The following ARHGAP8 variants were observed in gnomAD, a reference collection of about 807,000 sequenced individuals.
The protein encoded by ARHGAP8 is Rho GTPase activating protein 8, also known as rho GTPase-activating protein 8.
ARHGAP8 carries 62 observed loss-of-function variants against 46.1 expected under a neutral mutation model. The ratio of observed to expected loss-of-function variants is 1.34; its 90% CI spans 1.10 to 1.66. The LOEUF (loss-of-function observed/expected upper bound fraction) is 1.66, where lower values mean the gene tolerates loss of function less well. Among genes scored for constraint, ARHGAP8 ranks in the 40% most tolerant of loss-of-function variants. The pLI, the probability that ARHGAP8 is intolerant of heterozygous loss-of-function variation, is 0.00. For synonymous variants in ARHGAP8, 375 were observed against 243.1 expected (o/e 1.54, Z -5.05); for missense variants, 923 against 568.4 (o/e 1.62, Z -6.34).
At chr22:44,842,364 A>G (rs865943848) in intron 7 of ARHGAP8, among the ~76,000 whole-genome samples, 26 of 152,136 alleles carry the variant, frequency 1.7e-4, no homozygotes, top group Middle Eastern at 3.4e-3. Flanking sequence ...CTCAAAACAA[A>G]CAAACAAACA....
chr22:44,820,758 C>T (rs929853159), intron 5 of ARHGAP8, among the ~76,000 whole-genome samples: 3 of 152,204 alleles, frequency 2.0e-5, no homozygotes, highest in East Asian at 1.9e-4. Flanking sequence ...CCCCGCCCTC[C>T]TCCCTCAGCC....
chr22:44,861,576 A>C (rs2070487394), intron 11 of ARHGAP8, among the ~76,000 whole-genome samples: 1 of 152,024 alleles, frequency 6.6e-6, no homozygotes, highest in Admixed American at 6.6e-5. Flanking sequence ...CTGCCCTGGT[A>C]CTCACCGCCT....
At chr22:44,835,106 T>TA (rs1440938728) in intron 7 of ARHGAP8, among the ~76,000 whole-genome samples, 1 of 152,122 alleles carries the variant, frequency 6.6e-6, no homozygotes, top group Non-Finnish European at 1.5e-5. Flanking sequence ...TTACTGGAGT[T>TA]ACATCTGCCA....
intron 1 of ARHGAP8, among the ~76,000 whole-genome samples, chr22:44,774,674 C>T (rs535967557): frequency 6.6e-6 from 1 of 152,084 alleles, no homozygotes; most frequent in East Asian, 1.9e-4. Context: ...AGGCACCCGC[C>T]ACCACACCTG....
At chr22:44,805,134 G>T (rs1277845833) in intron 3 of ARHGAP8, among the ~76,000 whole-genome samples, 1 of 152,310 alleles carries the variant, frequency 6.6e-6, no homozygotes, top group Non-Finnish European at 1.5e-5. Context: ...TTGAGAGGAC[G>T]CATTCCCTTG....
chr22:44,860,042 G>C (rs140360330), intron 11 of ARHGAP8, among the ~76,000 whole-genome samples: 5 of 152,196 alleles, frequency 3.3e-5, no homozygotes, highest in African/African-American at 9.6e-5. Flanking sequence ...CAGACAGGGC[G>C]TACCTGCCCC....
intron 7 of ARHGAP8, among the ~76,000 whole-genome samples, chr22:44,838,505 C>T (rs756076825): frequency 6.6e-6 from 1 of 152,018 alleles, no homozygotes; most frequent in African/African-American, 2.4e-5. Flanking sequence ...AATTCCTGAC[C>T]TCAAGTGATC....
rs557493254 is a variant in ARHGAP8, at chr22:44,776,903, C to T, written c.-71-9554C>T. Among the ~76,000 whole-genome samples the T allele has an allele frequency of 2.0e-4, 31 of 152,202 alleles. 1 individual carries two copies. In the South Asian group the frequency reaches 5.8e-3, roughly 29 times the overall value. On this transcript the variant is annotated intron_variant, in intron 1 of 11. Transcript: ENST00000356099. The stretch of plus-strand genomic sequence containing the variant: ...CCCCCCTGCCTCAAGGCCCACTGTG[C>T]CCTGCCTGCTCTGTCCATCACCCTC...
intron 1 of ARHGAP8, among the ~76,000 whole-genome samples, chr22:44,753,732 G>C (rs539166757): frequency 1.3e-5 from 2 of 152,252 alleles, no homozygotes; most frequent in Admixed American, 1.3e-4. Context: ...GTCCACCCGG[G>C]AAGGAGGGTG....
At chr22:44,854,373 A>G (rs1018381733) in intron 10 of ARHGAP8, among the ~76,000 whole-genome samples, 1 of 150,570 alleles carries the variant, frequency 6.6e-6, no homozygotes, top group African/African-American at 2.4e-5. Flanking sequence ...AGTAGCTGGG[A>G]TTACAGGTGT....
Position 44,812,325 on chromosome 22 carries a change from C to T in ARHGAP8, c.300-2347C>T, listed in dbSNP as rs183394087. On this transcript the variant is annotated intron_variant, in intron 4 of 11. Coordinates refer to ENST00000356099, the MANE Select transcript of ARHGAP8 (RefSeq NM_181335.3). ...AAGCCACTGCTACTGCCCCCCGCCC[C>T]GCCCCTCCTCTCAGAGCCTTTTTTT... 2.1e-3 allele frequency among the ~76,000 whole-genome samples: 314 copies of T among 151,500 alleles called. 1 individual carries two copies. The highest frequency in any genetic ancestry group is 7.2e-3 in the African/African-American group (297 of 41,324).
intron 1 of ARHGAP8, among the ~76,000 whole-genome samples, chr22:44,758,044 G>A (rs1292353150): frequency 1.3e-5 from 2 of 152,258 alleles, no homozygotes; most frequent in East Asian, 3.9e-4. Context: ...GTCGGAACAG[G>A]TGGGAGGCAC....
At position 44,845,326 on chromosome 22, in the gene ARHGAP8, G is replaced by C. The variant is rs146372974; in HGVS notation, c.654G>C (p.Thr218=). The change falls in exon 8 of 12, where the codon ACG becomes ACC. Residue 218 remains threonine, a synonymous_variant. Transcript: ENST00000356099. The stretch of plus-strand genomic sequence containing the variant: ...CCCCTGTGCTGAGGTTCACAGTGAC[G>C]TACCTGAGAGAGAAAGGTGAGACGG... ...LIPPVLRFTV[T]YLREKGLRTE... 1.7e-5 allele frequency: 27 copies of C among 1,613,930 alleles called. No individual in the cohort carries two copies. Among genetic ancestry groups the C allele is most frequent in the African/African-American group, 1.1e-4 (8 of 74,894 alleles).
In ARHGAP8 at chr22:44,862,574, G is replaced by T; in HGVS notation, c.1281G>T (p.Met427Ile). 1 of 1,590,328 alleles carries T rather than the reference G, an allele frequency of 6.3e-7. No homozygotes were observed. Among genetic ancestry groups the T allele is most frequent in the Admixed American group, 1.7e-5 (1 of 58,688 alleles). ...CTACCCTACCTCCGAGTCCCCTGAT[G>T]GCAGCCAGAAGACGTCTCTAGTGTT... ...TKPTLPPSPL[M>I]AARRRL is the part of the protein sequence containing the mutation. Residue 427 changes from methionine to isoleucine, a missense_variant, in exon 12 of 12, where the codon ATG (methionine) becomes ATT (isoleucine). Met to Ile is a conservative substitution (Grantham distance 10). Transcript: ENST00000356099.
At chr22:44,793,459 T>C (rs1340612806) in intron 2 of ARHGAP8, among the ~76,000 whole-genome samples, 2 of 152,194 alleles carry the variant, frequency 1.3e-5, no homozygotes, top group Non-Finnish European at 2.9e-5. Flanking sequence ...CCGGCTGGGC[T>C]TTCCTGCAGC....
rs535648448 is a variant in ARHGAP8, at chr22:44,816,678, G to A, written c.386+1920G>A. 2.6e-3 allele frequency among the ~76,000 whole-genome samples: 390 copies of A among 152,008 alleles called. 1 individual carries two copies. Among genetic ancestry groups the A allele is most frequent in the African/African-American group, 8.9e-3 (370 of 41,444 alleles). On this transcript the variant is annotated intron_variant, in intron 5 of 11. Transcript: ENST00000356099. ...AAAATTAGCCGGATGTGTAGCATGC[G>A]CCTGTGGTCCCAGCTACACGGGAGG... is the stretch of plus-strand genomic sequence containing the variant.
intron 10 of ARHGAP8, among the ~76,000 whole-genome samples, chr22:44,859,052 C>G (rs1371477515): frequency 1.3e-5 from 2 of 151,408 alleles, no homozygotes; most frequent in Non-Finnish European, 3.0e-5. Flanking sequence ...CAGATCTAAG[C>G]CATGGGCCGT....
At chr22:44,755,165 G>A (rs576072239) in intron 1 of ARHGAP8, among the ~76,000 whole-genome samples, 16 of 152,234 alleles carry the variant, frequency 1.1e-4, no homozygotes, top group Non-Finnish European at 2.1e-4. Flanking sequence ...GACAAGGAAG[G>A]TTAAGGTCCC....
chr22:44,862,146 C>T (rs1003104213), intron 11 of ARHGAP8, 129 bp from the exon 12 acceptor site: 1 of 1,154,882 alleles, frequency 8.7e-7, no homozygotes, highest in Non-Finnish European at 1.2e-6. Context: ...GTCCCCATTA[C>T]TGGCTGCCGG....
Sources: allele counts gnomAD v4.1 joint callset (sites outside exome capture counted in the v4.1 genomes callset), GRCh38; gene constraint gnomAD v4.1.1; transcripts MANE v1.5; gene names NCBI Gene and HGNC (gene_info 2026-07-23, HGNC 2026-07-21).